Variants in HOOK1 observed in about 807,000 individuals in gnomAD.
HOOK1 encodes the protein protein Hook homolog 1.
In HOOK1, 60 loss-of-function variants were observed where a neutral mutation model predicts 112.8. The observed-to-expected ratio is 0.53, with a 90% CI of 0.43 to 0.66. HOOK1 has a LOEUF of 0.66. Among genes scored for constraint, HOOK1 ranks in the 30% least tolerant of loss-of-function variants. HOOK1 has a pLI of 0.00. For synonymous variants in HOOK1, 294 were observed against 283.8 expected (o/e 1.04, Z -0.36); for missense variants, 770 against 856.0 (o/e 0.90, Z 1.25).
intron 1 of HOOK1, 104 bp from the exon 2 acceptor site, chr1:59,821,754 T>A (rs1263477067): frequency 1.3e-6 from 1 of 774,274 alleles, no homozygotes; most frequent in Non-Finnish European, 2.0e-6. Flanking sequence ...ACCATGTTTT[T>A]TTTTTTTGTT....
rs1644123327 is a variant in HOOK1 at position 59,876,121 on chromosome 1, A to G, written c.*3156A>G. ...GTGCACCTGTACATTGTGAAGAAGT[A>G]GTTTGGAAATTTGTAAAGCACAAAC... On this transcript the variant is annotated 3_prime_UTR_variant, in exon 22 of 22. Coordinates refer to ENST00000371208, the MANE Select transcript of HOOK1 (RefSeq NM_015888.6). The G allele has an allele frequency of 6.6e-6, 1 of 152,662 alleles. No individual in the cohort carries two copies. The highest frequency in any genetic ancestry group is 2.1e-4 in the South Asian group (1 of 4,836). 9.5% of individuals were successfully genotyped at this position (152,662 alleles called of 1,614,324 possible). A position where few individuals can be genotyped will look rare whatever the true frequency, so the allele number is the denominator to read the frequency against.
chr1:59,873,386 GA>G lies in HOOK1; in HGVS notation c.*425del, dbSNP rs2102082145. ...TTTTTTGTTTTTTGTTGATTTATAT[GA>G]AAACAGTCTTGAGGCAGGGACATGG... On this transcript the variant is annotated 3_prime_UTR_variant, in exon 22 of 22. Coordinates refer to ENST00000371208, the MANE Select transcript of HOOK1 (RefSeq NM_015888.6). 6.6e-6 allele frequency: 1 copy of G among 152,408 alleles called. No homozygotes were observed. Among genetic ancestry groups the G allele is most frequent in the South Asian group, 2.1e-4 (1 of 4,830 alleles). The allele number at this position is 152,408 out of a possible 1,614,324, so 9.4% of individuals were successfully genotyped here.
In HOOK1 at chr1:59,814,962, C is replaced by G; in HGVS notation, c.-156C>G. The G allele has an allele frequency of 1.5e-6, 1 of 676,178 alleles. No individual in the cohort carries two copies. The highest frequency in any genetic ancestry group is 2.5e-6 in the Non-Finnish European group (1 of 405,684). The allele number at this position is 676,178 out of a possible 1,614,324, so 41.9% of individuals were successfully genotyped here. On this transcript the variant is annotated 5_prime_UTR_variant, in exon 1 of 22. Transcript: ENST00000371208. ...GGTGAGGAGGGGGTGACGCCGGACGCGTCGACAGCGCGAGGGTTCGCGCGT... is the reference window on the plus strand; with the variant it reads ...GGTGAGGAGGGGGTGACGCCGGACGGGTCGACAGCGCGAGGGTTCGCGCGT...
In HOOK1 at chr1:59,864,631, G is replaced by A; in HGVS notation, c.1627-1G>A. The stretch of plus-strand genomic sequence containing the variant: ...ACAGCAATTTTTTTTAAATTTTATA[G>A]TCCAGCAAATTAAAGCAGAAGTTGG... On this transcript the variant is annotated splice_acceptor_variant, in intron 16 of 21. Transcript: ENST00000371208. LOFTEE classifies it high-confidence loss of function. The A allele has an allele frequency of 6.5e-7, 1 of 1,537,388 alleles. No individual in the cohort carries two copies. The highest frequency in any genetic ancestry group is 8.9e-7 in the Non-Finnish European group (1 of 1,118,424).
At chr1:59,836,964 T>G (rs747779020) in intron 7 of HOOK1, 29 bp downstream of exon 7, 2 of 1,428,290 alleles carry the variant, frequency 1.4e-6, no homozygotes, top group Non-Finnish European at 2.0e-6. Flanking sequence ...AAGAAAAATG[T>G]TGAAAGCAAT....
At position 59,843,434 on chromosome 1, in the gene HOOK1, G is replaced by T. The variant is rs1484640716; in HGVS notation, c.624G>T (p.Val208=). The stretch of plus-strand genomic sequence containing the variant: ...ATGTATGTGTATTTGTTTCTTAGGT[G>T]ACTACACTTCAAGATGAAAAGAATT... The part of the protein sequence containing the change: ...RQRCEELDMQ[V]TTLQDEKNSL... Residue 208 remains valine (V), a splice_region_variant and synonymous_variant, in exon 9 of 22, where the codon GTG becomes GTT. Coordinates refer to ENST00000371208, the MANE Select transcript of HOOK1 (RefSeq NM_015888.6). The T allele has an allele frequency of 6.2e-7, 1 of 1,603,252 alleles. No individual in the cohort carries two copies. The highest frequency in any genetic ancestry group is 8.5e-7 in the Non-Finnish European group (1 of 1,175,324).
At chr1:59,836,721 A>G (rs1010123862) in intron 6 of HOOK1, 152 bp from the exon 7 acceptor site, 17 of 478,540 alleles carry the variant, frequency 3.6e-5, no homozygotes, top group Non-Finnish European at 5.9e-5. Flanking sequence ...TAAGGCTCTA[A>G]TAAAGTTTTT....
chr1:59,824,509 ATATGT>A (rs2098388437), intron 2 of HOOK1, among the ~76,000 whole-genome samples: 1 of 152,128 alleles, frequency 6.6e-6, no homozygotes. Context: ...CCCAGCTCAA[ATATGT>A]TATAATTTTT....
chr1:59,865,359 A>G, intron 18 of HOOK1, 114 bp downstream of exon 18: 1 of 559,544 alleles, frequency 1.8e-6, no homozygotes, highest in Non-Finnish European at 3.2e-6. Flanking sequence ...AGATACATAT[A>G]TTGTAAATAA....
At chr1:59,846,571 C>T (rs1163769965) in intron 9 of HOOK1, among the ~76,000 whole-genome samples, 1 of 80,270 alleles carries the variant, frequency 1.2e-5, no homozygotes, top group African/African-American at 5.6e-5. Context: ...TCCTTCCTTC[C>T]TTCCTTCCTT....
intron 8 of HOOK1, among the ~76,000 whole-genome samples, chr1:59,840,909 A>C (rs924792235): frequency 1.3e-5 from 2 of 152,178 alleles, no homozygotes; most frequent in Non-Finnish European, 2.9e-5. Context: ...GGCATGAGCA[A>C]CAATAGTTAA....
intron 1 of HOOK1, among the ~76,000 whole-genome samples, chr1:59,819,890 G>T (rs912497908): frequency 6.6e-6 from 1 of 152,050 alleles, no homozygotes; most frequent in Non-Finnish European, 1.5e-5. Context: ...TTCTTATTTT[G>T]TATTTTAAAT....
intron 12 of HOOK1, among the ~76,000 whole-genome samples, chr1:59,855,965 A>ATT (rs1212781152): frequency 1.3e-5 from 1 of 74,902 alleles, no homozygotes; most frequent in South Asian, 4.3e-4. Flanking sequence ...TATATAAATT[A>ATT]TTATATATAT....
chr1:59,865,769 T>C (rs867446393), intron 18 of HOOK1, 103 bp from the exon 19 acceptor site: 17 of 439,790 alleles, frequency 3.9e-5, no homozygotes, highest in African/African-American at 2.7e-4. Context: ...TTATCGTCTT[T>C]AGAAAATAAA....
At chr1:59,852,157 C>G (rs147576246) in intron 12 of HOOK1, among the ~76,000 whole-genome samples, 21 of 151,712 alleles carry the variant, frequency 1.4e-4, no homozygotes, top group African/African-American at 4.8e-4. Flanking sequence ...TTTGGTATCA[C>G]TGGCCACATA....
At position 59,840,332 on chromosome 1, in the gene HOOK1, CAGGA is replaced by C. The variant is rs755698199; in HGVS notation, c.565_568del (p.Glu189HisfsTer2). ...GCTTAAAAGAGCCTTGGAAGAACTT[CAGGA>C]AGCACTAGCAGAAAAAGAAGAGCTG... On this transcript the variant is annotated frameshift_variant, in exon 8 of 22. Transcript: ENST00000371208. LOFTEE classifies it high-confidence loss of function. 2.5e-6 allele frequency: 4 copies of C among 1,592,940 alleles called. No homozygotes were observed. The highest frequency in any genetic ancestry group is 3.4e-6 in the Non-Finnish European group (4 of 1,170,548).
chr1:59,862,357 A>T (rs191687013), intron 15 of HOOK1, among the ~76,000 whole-genome samples: 35 of 152,282 alleles, frequency 2.3e-4, no homozygotes, highest in African/African-American at 8.4e-4. Context: ...ATTTAAATTT[A>T]AAAAAACTTG....
At chr1:59,856,836 G>A (rs78927294) in intron 12 of HOOK1, among the ~76,000 whole-genome samples, 11,133 of 152,114 alleles carry the variant, frequency 0.073, 411 homozygotes, top group African/African-American at 0.11. Flanking sequence ...TTGCCTTCCT[G>A]TTTGCTCAGG....
intron 21 of HOOK1, among the ~76,000 whole-genome samples, chr1:59,872,338 C>T (rs932648336): frequency 1.3e-5 from 2 of 152,114 alleles, no homozygotes; most frequent in Non-Finnish European, 2.9e-5. Context: ...TTGCTAGACG[C>T]ACTGGCAGAA....
Sources: allele counts gnomAD v4.1 joint callset (sites outside exome capture counted in the v4.1 genomes callset), GRCh38; gene constraint gnomAD v4.1.1; transcripts MANE v1.5; gene names NCBI Gene and HGNC (gene_info 2026-07-23, HGNC 2026-07-21).